The following SYN3 variants were observed in gnomAD, a reference collection of about 807,000 sequenced individuals.
SYN3 encodes synapsin III.
SYN3 carries 35 observed loss-of-function variants against 65.8 expected under a neutral mutation model. The ratio of observed to expected loss-of-function variants is 0.53; its 90% CI spans 0.41 to 0.70. The LOEUF is 0.70. Among genes scored for constraint, SYN3 ranks in the 30% least tolerant of loss-of-function variants. The pLI, the probability that SYN3 is intolerant of heterozygous loss-of-function variation, is 0.00. For missense variants in SYN3, 680 were observed against 749.0 expected (o/e 0.91, Z 1.08); for synonymous variants, 270 against 292.9 (o/e 0.92, Z 0.80).
chr22:32,782,999 G>A (rs1331049352), intron 6 of SYN3, among the ~76,000 whole-genome samples: 4 of 152,220 alleles, frequency 2.6e-5, no homozygotes, highest in Admixed American at 6.5e-5. Context: ...AGAGAGTAGT[G>A]AGACCAGAAC....
chr22:32,558,982 A>C (rs2058544405), intron 7 of SYN3, among the ~76,000 whole-genome samples: 3 of 152,242 alleles, frequency 2.0e-5, no homozygotes, highest in African/African-American at 4.8e-5. Flanking sequence ...TGATTGTAAT[A>C]ACAAAAATGA....
At chr22:32,720,563 C>T (rs2061102466) in intron 6 of SYN3, among the ~76,000 whole-genome samples, 1 of 152,216 alleles carries the variant, frequency 6.6e-6, no homozygotes, top group Admixed American at 6.5e-5. Context: ...AACCTAGGTC[C>T]TCAGGACCTC....
rs527881780 is a variant in SYN3, at chr22:32,944,757, C to T, written c.370-13276G>A. On this transcript the variant is annotated intron_variant, in intron 3 of 13. Transcript: ENST00000358763. Reference sequence around the variant, plus strand: ...TAGGAAAAGAGGAAGTCAAATTGTCCCTGTTTGCAGATGACATGATTGTAT... The same window carrying T: ...TAGGAAAAGAGGAAGTCAAATTGTCTCTGTTTGCAGATGACATGATTGTAT... 3.3e-5 allele frequency among the ~76,000 whole-genome samples: 5 copies of T among 152,216 alleles called. No homozygotes were observed. In the South Asian group the frequency reaches 1.0e-3, roughly 32 times the overall value.
intron 6 of SYN3, among the ~76,000 whole-genome samples, chr22:32,849,841 A>G (rs1271403765): frequency 2.6e-5 from 4 of 152,164 alleles, no homozygotes; most frequent in Non-Finnish European, 5.9e-5. Flanking sequence ...ACCTTGGTCA[A>G]GTCACTGCCC....
chr22:32,658,080 G>A (rs1177813708), intron 6 of SYN3, among the ~76,000 whole-genome samples: 1 of 152,218 alleles, frequency 6.6e-6, no homozygotes, highest in Non-Finnish European at 1.5e-5. Context: ...AAAGCATGCT[G>A]AGGGGGAGGA....
At chr22:32,820,307 C>T (rs1330972801) in intron 6 of SYN3, among the ~76,000 whole-genome samples, 1 of 149,278 alleles carries the variant, frequency 6.7e-6, no homozygotes, top group Non-Finnish European at 1.5e-5. Context: ...GGTGTGTGTT[C>T]TACTCCGTGT....
intron 3 of SYN3, among the ~76,000 whole-genome samples, chr22:32,952,463 T>C (rs898121253): frequency 2.6e-5 from 4 of 152,154 alleles, no homozygotes; most frequent in African/African-American, 9.7e-5. Context: ...ACATTGTATT[T>C]GAAAAATCAG....
intron 7 of SYN3, among the ~76,000 whole-genome samples, chr22:32,549,540 A>G (rs1252235503): frequency 6.6e-6 from 1 of 152,240 alleles, no homozygotes; most frequent in Non-Finnish European, 1.5e-5. Flanking sequence ...GACATTAGTC[A>G]CCATGACCAG....
chr22:32,535,031 C>G (rs8137625), intron 9 of SYN3, among the ~76,000 whole-genome samples: 2,315 of 152,272 alleles, frequency 0.015, 73 homozygotes, highest in African/African-American at 0.053. Context: ...CATTCTGGGC[C>G]CGGGGGCTGA....
chr22:32,927,164 A>G (rs1277819712), intron 4 of SYN3, among the ~76,000 whole-genome samples: 1 of 152,316 alleles, frequency 6.6e-6, no homozygotes, highest in East Asian at 1.9e-4. Context: ...ATATCAGATC[A>G]GACCTGCTGT....
At chr22:32,680,091 T>C (rs1433465127) in intron 6 of SYN3, among the ~76,000 whole-genome samples, 5 of 152,156 alleles carry the variant, frequency 3.3e-5, no homozygotes, top group Admixed American at 1.3e-4. Flanking sequence ...TCAGGTAATA[T>C]TCTGTAATCG....
chr22:32,794,707 C>A (rs76034896), intron 6 of SYN3, among the ~76,000 whole-genome samples: 7,637 of 152,110 alleles, frequency 0.05, 231 homozygotes, highest in Non-Finnish European at 0.056. Context: ...CCCGGAGGAC[C>A]CAGTGTGGGT....
chr22:32,873,695 C>T (rs181431747), intron 4 of SYN3, among the ~76,000 whole-genome samples: 44 of 152,282 alleles, frequency 2.9e-4, no homozygotes, highest in Non-Finnish European at 5.3e-4. Context: ...CTCTGAAAGA[C>T]AGGAGTGGCC....
At chr22:32,601,597 T>C (rs1271804863) in intron 6 of SYN3, among the ~76,000 whole-genome samples, 3 of 150,022 alleles carry the variant, frequency 2.0e-5, no homozygotes, top group Non-Finnish European at 4.5e-5. Context: ...TTTTTTACTT[T>C]GACTTGTGGG....
chr22:32,773,111 C>T (rs899821924), intron 6 of SYN3, among the ~76,000 whole-genome samples: 1 of 152,098 alleles, frequency 6.6e-6, no homozygotes, highest in African/African-American at 2.4e-5. Context: ...AAGGCCCTGT[C>T]CAAAGAATGG....
chr22:33,055,489 C>A (rs1293488149), intron 1 of SYN3, among the ~76,000 whole-genome samples: 1 of 152,248 alleles, frequency 6.6e-6, no homozygotes, highest in East Asian at 1.9e-4. Flanking sequence ...CCTGACTACA[C>A]TGTTAAGCAC....
At chr22:32,535,976 T>C (rs1448510146) in intron 9 of SYN3, among the ~76,000 whole-genome samples, 1 of 152,218 alleles carries the variant, frequency 6.6e-6, no homozygotes, top group Non-Finnish European at 1.5e-5. Context: ...GCCCAGACCC[T>C]GGAGTTCTGC....
At position 32,725,411 on chromosome 22, in the gene SYN3, C is replaced by T. The variant is rs982519404; in HGVS notation, c.712-128675G>A. 2.6e-5 allele frequency among the ~76,000 whole-genome samples: 4 copies of T among 152,236 alleles called. 1 individual carries two copies. The highest frequency in any genetic ancestry group is 4.1e-4 in the South Asian group (2 of 4,822). Reference sequence around the variant, plus strand: ...GCTTTCAGTCTTTAGAACAATTCCCCGTCCCTCCACTCCAAAGATGCCTAT... The same window carrying T: ...GCTTTCAGTCTTTAGAACAATTCCCTGTCCCTCCACTCCAAAGATGCCTAT... On this transcript the variant is annotated intron_variant, in intron 6 of 13. Transcript: ENST00000358763.
At chr22:32,900,074 C>CAA (rs1304834320) in intron 4 of SYN3, among the ~76,000 whole-genome samples, 2,417 of 3,966 alleles carry the variant, frequency 0.61, 1,099 homozygotes, top group East Asian at 0.97. Flanking sequence ...GACTCCGTCT[C>CAA]AAAAAAAAAA....
Sources: gnomAD v4.1 joint callset for allele counts (sites outside exome capture counted in the v4.1 genomes callset) on GRCh38, gnomAD v4.1.1 for gene constraint, MANE v1.5 for transcripts, NCBI Gene and HGNC (gene_info 2026-07-23, HGNC 2026-07-21) for gene names.